RRAS2: variants seen among roughly 807,000 people sequenced by gnomAD.
RRAS2 encodes ras-related protein R-Ras2.
A neutral mutation model predicts 27.6 loss-of-function variants in RRAS2; 7 were observed. The ratio of observed to expected loss-of-function variants is 0.25; its 90% CI spans 0.14 to 0.48. RRAS2 has a LOEUF of 0.48. Ranked by LOEUF, RRAS2 falls within the 20% of genes least tolerant of loss-of-function variation. The probability of loss-of-function intolerance (pLI) is 0.99; values close to 1 mark genes in which losing one functional copy is unlikely to be tolerated. For missense variants in RRAS2, 178 were observed against 256.2 expected, an observed-to-expected ratio of 0.69 and a Z score of 2.08; for synonymous variants, 86 against 90.9, an observed-to-expected ratio of 0.95 and a Z score of 0.31.
chr11:14,288,484 T>C (rs1245408171), intron 4 of RRAS2, among the ~76,000 whole-genome samples: 1 of 152,178 alleles, frequency 6.6e-6, no homozygotes, highest in East Asian at 1.9e-4. Context: ...AACAGAGCCA[T>C]AGCACTGTGG....
At chr11:14,303,631 A>G (rs1400176769) in intron 1 of RRAS2, among the ~76,000 whole-genome samples, 2 of 152,174 alleles carry the variant, frequency 1.3e-5, no homozygotes. Flanking sequence ...CATAGTTTCA[A>G]TAACTGTCTT....
Position 14,335,991 on chromosome 11 carries a change from A to G in RRAS2, c.108+22772T>C, listed in dbSNP as rs147413923. Among the ~76,000 whole-genome samples, 765 of 152,350 alleles carry G rather than the reference A, an allele frequency of 5.0e-3. 5 individuals are homozygous for G. Among genetic ancestry groups the G allele is most frequent in the South Asian group, 0.029 (139 of 4,828 alleles). ...CCACACCAGGGAAGGTCAAGTGGGG[A>G]TCCTAGAATCCCACACTCAAAAGGC... On this transcript the variant is annotated intron_variant, in intron 1 of 5. Transcript: ENST00000256196.
At chr11:14,313,200 CAT>C (rs1358134869) in intron 1 of RRAS2, among the ~76,000 whole-genome samples, 2 of 152,182 alleles carry the variant, frequency 1.3e-5, no homozygotes, top group South Asian at 2.1e-4. Context: ...CTAAACAGCA[CAT>C]GTTCACAGAA....
At chr11:14,330,001 A>G (rs1345427988) in intron 1 of RRAS2, among the ~76,000 whole-genome samples, 1 of 152,156 alleles carries the variant, frequency 6.6e-6, no homozygotes, top group Non-Finnish European at 1.5e-5. Flanking sequence ...CTTCAGCCCA[A>G]GAGTTCGAGC....
At chr11:14,339,297 G>C (rs1463110716) in intron 1 of RRAS2, among the ~76,000 whole-genome samples, 154 of 131,034 alleles carry the variant, frequency 1.2e-3, no homozygotes, top group Non-Finnish European at 2.0e-3. Flanking sequence ...AAAAAAAGGG[G>C]GGGGGGGGAA....
chr11:14,334,706 A>C (rs1554952374), intron 1 of RRAS2, among the ~76,000 whole-genome samples: 1 of 152,196 alleles, frequency 6.6e-6, no homozygotes. Flanking sequence ...TGTTAAAAAA[A>C]AAAAGTATAT....
chr11:14,301,011 T>C (rs781988641), intron 1 of RRAS2, among the ~76,000 whole-genome samples: 35 of 152,130 alleles, frequency 2.3e-4, no homozygotes, highest in Admixed American at 1.4e-3. Context: ...AGAAAAAGGA[T>C]AGGCTAGCTC....
chr11:14,290,884 T>C (rs1175599072), intron 4 of RRAS2, among the ~76,000 whole-genome samples: 1 of 152,180 alleles, frequency 6.6e-6, no homozygotes, highest in Non-Finnish European at 1.5e-5. Flanking sequence ...GTTTATGCTG[T>C]AGTTTTTTTG....
chr11:14,303,670 T>G (rs1258571877), intron 1 of RRAS2, among the ~76,000 whole-genome samples: 1 of 152,130 alleles, frequency 6.6e-6, no homozygotes, highest in Non-Finnish European at 1.5e-5. Flanking sequence ...TCATCTAAAT[T>G]AAAGCTTCTC....
intron 1 of RRAS2, among the ~76,000 whole-genome samples, chr11:14,319,345 C>CT (rs1156654694): frequency 0.1 from 9,231 of 91,440 alleles, 1,468 homozygotes; most frequent in African/African-American, 0.17. Flanking sequence ...TTCCCTCTGT[C>CT]TTTTTTTTTT....
intron 1 of RRAS2, among the ~76,000 whole-genome samples, chr11:14,312,439 A>C (rs1847993756): frequency 6.6e-6 from 1 of 152,150 alleles, no homozygotes; most frequent in African/African-American, 2.4e-5. Context: ...TGTTATTTTT[A>C]GAGACAATCT....
chr11:14,362,418 C>G (rs1849202274), upstream of RRAS2, among the ~76,000 whole-genome samples: 1 of 146,236 alleles, frequency 6.8e-6, no homozygotes, highest in Admixed American at 6.6e-5. Context: ...CCCAGACTTT[C>G]TATGCCAAAA....
At chr11:14,321,386 A>G (rs369813606) in intron 1 of RRAS2, among the ~76,000 whole-genome samples, 2 of 152,300 alleles carry the variant, frequency 1.3e-5, no homozygotes, top group South Asian at 4.1e-4. Context: ...CTCATTCTTT[A>G]TACTCACTTA....
Position 14,279,218 on chromosome 11 carries a change from A to T in RRAS2, c.*119T>A. On this transcript the variant is annotated 3_prime_UTR_variant, in exon 6 of 6. Transcript: ENST00000256196. ...AAAGGACTAGCCAGCTTCTTCGTCTAAGGCTAACATGGTGATCATTTGTCT... is the reference window on the plus strand; with the variant it reads ...AAAGGACTAGCCAGCTTCTTCGTCTTAGGCTAACATGGTGATCATTTGTCT... 1 of 742,000 alleles carries T rather than the reference A, an allele frequency of 1.3e-6. No homozygotes were observed. Among genetic ancestry groups the T allele is most frequent in the Non-Finnish European group, 2.4e-6 (1 of 423,202 alleles). 46.0% of individuals were successfully genotyped at this position (742,000 alleles called of 1,614,324 possible). A position where few individuals can be genotyped will look rare whatever the true frequency, so the allele number is the denominator to read the frequency against.
intron 4 of RRAS2, among the ~76,000 whole-genome samples, chr11:14,289,095 G>A (rs1259416546): frequency 6.6e-6 from 1 of 152,074 alleles, no homozygotes; most frequent in East Asian, 1.9e-4. Flanking sequence ...CACAGATAAC[G>A]CCACATGTGG....
chr11:14,358,595 C>A lies in RRAS2; in HGVS notation c.108+168G>T. ...GGGAGGAGGCAGGAGCGCGACGCTG[C>A]GGCCGCAGGGCAGGAGCGTAGTCGG... On this transcript the variant is annotated intron_variant, in intron 1 of 5. Transcript: ENST00000256196. The surrounding 1 kb of genome is among the most constrained non-coding windows in gnomAD (Gnocchi z 5.1). 1.3e-5 allele frequency: 13 copies of A among 984,302 alleles called. No individual in the cohort carries two copies. Among genetic ancestry groups the A allele is most frequent in the Non-Finnish European group, 1.6e-5 (13 of 828,766 alleles). The allele number at this position is 984,302 out of a possible 1,614,324, so 61.0% of individuals were successfully genotyped here. A position where few individuals can be genotyped will look rare whatever the true frequency, so the allele number is the denominator to read the frequency against.
chr11:14,285,845 C>T (rs1213117626), intron 4 of RRAS2, among the ~76,000 whole-genome samples: 4 of 152,114 alleles, frequency 2.6e-5, no homozygotes, highest in African/African-American at 9.7e-5. Flanking sequence ...TGCTCTTTTC[C>T]CCCCGTCTGG....
intron 1 of RRAS2, among the ~76,000 whole-genome samples, chr11:14,340,605 T>TG (rs1848684479): frequency 6.6e-6 from 1 of 152,154 alleles, no homozygotes; most frequent in Non-Finnish European, 1.5e-5. Context: ...AACTAAACCA[T>TG]GCTAGAAGCA....
Position 14,358,474 on chromosome 11 carries a change from G to C in RRAS2, c.108+289C>G, listed in dbSNP as rs1276340846. 1 of 985,360 alleles carries C rather than the reference G, an allele frequency of 1.0e-6. No individual in the cohort carries two copies. Among genetic ancestry groups the C allele is most frequent in the African/African-American group, 1.7e-5 (1 of 57,206 alleles). 61.0% of individuals were successfully genotyped at this position (985,360 alleles called of 1,614,324 possible). On this transcript the variant is annotated intron_variant, in intron 1 of 5. Transcript: ENST00000256196. This position sits in a 1 kb window ranked among gnomAD's most constrained non-coding sequence, Gnocchi z 5.1. ...GCCTCTCCCGGAGGTCTCTGGCCTC[G>C]GCCAGAGCAATAAGGTGGATCGGTG...
Sources: allele counts gnomAD v4.1 joint callset (sites outside exome capture counted in the v4.1 genomes callset), GRCh38; gene constraint gnomAD v4.1.1; non-coding constraint Gnocchi (gnomAD v3.1); transcripts MANE v1.5; gene names NCBI Gene and HGNC (gene_info 2026-07-23, HGNC 2026-07-21).